The following SPAG16 variants were observed in gnomAD, a reference collection of about 807,000 sequenced individuals.
SPAG16 encodes the protein sperm-associated antigen 16 protein.
SPAG16 carries 86 observed loss-of-function variants against 80.4 expected under a neutral mutation model. The observed-to-expected ratio is 1.07, with a 90% CI of 0.90 to 1.28. The LOEUF is 1.28. Among genes scored for constraint, SPAG16 ranks in the 50% most tolerant of loss-of-function variants. The pLI, the probability that SPAG16 is intolerant of heterozygous loss-of-function variation, is 0.00. For missense variants in SPAG16, 870 were observed against 765.3 expected (o/e 1.14, Z -1.61); for synonymous variants, 294 against 265.9 (o/e 1.11, Z -1.03).
chr2:214,069,854 C>T (rs1473078892), intron 13 of SPAG16, among the ~76,000 whole-genome samples: 2 of 151,978 alleles, frequency 1.3e-5, no homozygotes, highest in Non-Finnish European at 2.9e-5. Flanking sequence ...ATCAGATAGA[C>T]AACAGACAAA....
intron 5 of SPAG16, chr2:213,317,779 A>G (rs999787451): frequency 1.0e-6 from 1 of 966,456 alleles, no homozygotes; most frequent in Non-Finnish European, 1.2e-6. Context: ...GAATAATATA[A>G]ACTGTGGACT....
At chr2:213,511,504 T>G (rs1241181625) in intron 10 of SPAG16, among the ~76,000 whole-genome samples, 1 of 152,154 alleles carries the variant, frequency 6.6e-6, no homozygotes, top group East Asian at 1.9e-4. Context: ...AAAATAAATG[T>G]TAGATTTTTC....
At chr2:213,652,851 A>G (rs764956074) in intron 10 of SPAG16, among the ~76,000 whole-genome samples, 15 of 152,288 alleles carry the variant, frequency 9.8e-5, no homozygotes, top group Middle Eastern at 3.4e-3. Flanking sequence ...ATCTTGATTA[A>G]GTACAGTTTA....
intron 11 of SPAG16, among the ~76,000 whole-genome samples, chr2:213,917,740 T>C (rs1337587111): frequency 6.6e-6 from 1 of 152,228 alleles, no homozygotes; most frequent in Non-Finnish European, 1.5e-5. Context: ...TTTGACTTCC[T>C]CTCTTCTTAT....
At chr2:214,159,008 T>A (rs2056330657) in intron 15 of SPAG16, among the ~76,000 whole-genome samples, 1 of 151,974 alleles carries the variant, frequency 6.6e-6, no homozygotes. Flanking sequence ...AAAAGATTTG[T>A]ATCTATGTGG....
At chr2:213,474,262 G>A (rs1352481777) in intron 9 of SPAG16, among the ~76,000 whole-genome samples, 1 of 152,142 alleles carries the variant, frequency 6.6e-6, no homozygotes, top group Non-Finnish European at 1.5e-5. Flanking sequence ...TGCACTTTTT[G>A]TTGTAGGTTA....
intron 5 of SPAG16, among the ~76,000 whole-genome samples, chr2:213,330,127 G>A (rs1425963041): frequency 2.6e-5 from 4 of 152,256 alleles, no homozygotes; most frequent in Admixed American, 2.6e-4. Flanking sequence ...TGCTAAGGCA[G>A]TGCGGAAGGG....
chr2:213,290,742 C>T (rs2126054431), intron 1 of SPAG16, among the ~76,000 whole-genome samples: 1 of 152,308 alleles, frequency 6.6e-6, no homozygotes, highest in South Asian at 2.1e-4. Context: ...GATTAAATTA[C>T]AGATGAGAAA....
At chr2:213,292,051 T>G (rs1218230946) in intron 1 of SPAG16, among the ~76,000 whole-genome samples, 1 of 152,214 alleles carries the variant, frequency 6.6e-6, no homozygotes, top group African/African-American at 2.4e-5. Flanking sequence ...AAGTGTTGAT[T>G]GATATTTTCT....
rs368581505 is a variant in SPAG16 at position 213,613,296 on chromosome 2, T to C, written c.1070+123206T>C. 1.2e-4 allele frequency among the ~76,000 whole-genome samples: 19 copies of C among 152,326 alleles called. 1 individual carries two copies. The East Asian group carries it at 3.3e-3, about 26-fold the overall frequency. ...TGTACTCCTTGGCTCACAAAACTCA[T>C]TGGCTCTTTATTTAACTTAAAATAA... On this transcript the variant is annotated intron_variant, in intron 10 of 15. Transcript: ENST00000331683.
At chr2:213,546,065 T>C (rs1269909147) in intron 10 of SPAG16, among the ~76,000 whole-genome samples, 1 of 152,152 alleles carries the variant, frequency 6.6e-6, no homozygotes, top group Non-Finnish European at 1.5e-5. Context: ...TGTTGAATTT[T>C]TAAAAATAAT....
intron 6 of SPAG16, among the ~76,000 whole-genome samples, chr2:213,350,061 AT>A (rs2065242346): frequency 6.6e-6 from 1 of 152,206 alleles, no homozygotes; most frequent in African/African-American, 2.4e-5. Context: ...AGATATCAAA[AT>A]GTTTTTATAC....
At chr2:213,299,932 G>T (rs888573116) in intron 3 of SPAG16, among the ~76,000 whole-genome samples, 9 of 152,024 alleles carry the variant, frequency 5.9e-5, no homozygotes, top group African/African-American at 2.2e-4. Context: ...AGGGATATTT[G>T]TATGTAAATA....
chr2:213,368,735 A>G (rs2066464833), intron 8 of SPAG16, among the ~76,000 whole-genome samples: 1 of 152,222 alleles, frequency 6.6e-6, no homozygotes, highest in Non-Finnish European at 1.5e-5. Context: ...TACAAAATCA[A>G]TGTGCAAAAA....
intron 14 of SPAG16, among the ~76,000 whole-genome samples, chr2:214,129,455 G>T (rs1183915199): frequency 6.6e-6 from 1 of 152,090 alleles, no homozygotes; most frequent in African/African-American, 2.4e-5. Context: ...GTTGTTTCAG[G>T]CAGGAGGATA....
rs1193157810 is a variant in SPAG16 at position 213,317,319 on chromosome 2, T to G, written c.499T>G (p.Leu167Val). 2 of 1,610,946 alleles carry G rather than the reference T, an allele frequency of 1.2e-6. No individual in the cohort carries two copies. The highest frequency in any genetic ancestry group is 2.7e-5 in the African/African-American group (2 of 74,780). Residue 167 changes from leucine (L) to valine (V), a missense_variant, in exon 5 of 16, where the codon TTA (leucine) becomes GTA (valine). Leu to Val is a conservative substitution (Grantham distance 32). Transcript: ENST00000331683. ...GCTTTTGGAAAATGAGAACAAAAAT[T>G]TAAAGAAAGATTTGAAGCACTACAA... ...IMLLENENKNLKKDLKHYKQA... is the reference protein window; with the variant it reads ...IMLLENENKNVKKDLKHYKQA...
intron 15 of SPAG16, among the ~76,000 whole-genome samples, chr2:214,249,105 A>G (rs115852888): frequency 0.054 from 8,257 of 152,250 alleles, 298 homozygotes; most frequent in Middle Eastern, 0.11. Context: ...AGAAATATAA[A>G]TTTATACCCA....
chr2:213,399,198 G>T (rs551462417), intron 9 of SPAG16, among the ~76,000 whole-genome samples: 1 of 152,144 alleles, frequency 6.6e-6, no homozygotes, highest in East Asian at 1.9e-4. Context: ...TATACTATTT[G>T]TGATTTTAAA....
intron 10 of SPAG16, among the ~76,000 whole-genome samples, chr2:213,589,808 C>G (rs995235399): frequency 1.3e-5 from 2 of 151,800 alleles, no homozygotes; most frequent in African/African-American, 2.4e-5. Context: ...TGTAATCCCA[C>G]CTATTCGGGT....
Sources: allele counts gnomAD v4.1 joint callset (sites outside exome capture counted in the v4.1 genomes callset), GRCh38; gene constraint gnomAD v4.1.1; transcripts MANE v1.5; gene names NCBI Gene and HGNC (gene_info 2026-07-23, HGNC 2026-07-21).